PLK1: variants seen among roughly 807,000 people sequenced by gnomAD.
PLK1 encodes serine/threonine-protein kinase PLK1.
Under a neutral mutation model 56.7 loss-of-function variants are expected in PLK1, and 6 were observed. That is an observed-to-expected ratio of 0.11 (90% CI 0.06 to 0.21). The LOEUF (loss-of-function observed/expected upper bound fraction) is 0.21, where lower values mean the gene tolerates loss of function less well. Among genes scored for constraint, PLK1 ranks in the 10% least tolerant of loss-of-function variants. PLK1 has a pLI of 1.00. For synonymous variants in PLK1, 298 were observed against 325.0 expected (o/e 0.92, Z 0.89); for missense variants, 546 against 814.4 (o/e 0.67, Z 4.01).
Position 23,680,089 on chromosome 16 carries a change from C to A in PLK1, c.414C>A (p.Leu138=), listed in dbSNP as rs1399819641. 1.9e-6 allele frequency: 3 copies of A among 1,613,476 alleles called. No homozygotes were observed. Among genetic ancestry groups the A allele is most frequent in the East Asian group, 2.2e-5 (1 of 44,846 alleles). The change falls in exon 2 of 10, where the codon CTC becomes CTA. Residue 138 remains leucine (L), a synonymous_variant. Transcript: ENST00000300093. ...VVLELCRRRS[L]LELHKRRKAL... Reference sequence around the variant, plus strand: ...CCTCTCCTTCCCACCCACAGTCTCTCCTGGAGCTGCACAAGAGGAGGAAAG... The same window carrying A: ...CCTCTCCTTCCCACCCACAGTCTCTACTGGAGCTGCACAAGAGGAGGAAAG...
chr16:23,689,683 T>G lies in PLK1; in HGVS notation c.1608+7T>G, dbSNP rs1473843297. Reference sequence around the variant, plus strand: ...GCAGATCAACTTCTTCCAGGTGAGCTGGAGGTCACCAGGCGCAGGAGAGAG... The same window carrying G: ...GCAGATCAACTTCTTCCAGGTGAGCGGGAGGTCACCAGGCGCAGGAGAGAG... On this transcript the variant is annotated splice_region_variant and intron_variant, in intron 9 of 9. Coordinates refer to ENST00000300093, the MANE Select transcript of PLK1 (RefSeq NM_005030.6). This position sits in a 1 kb window ranked among gnomAD's most constrained non-coding sequence, Gnocchi z 4.8. The G allele has an allele frequency of 7.5e-6, 12 of 1,595,990 alleles. No homozygotes were observed. Among genetic ancestry groups the G allele is most frequent in the Non-Finnish European group, 1.0e-5 (12 of 1,170,580 alleles).
intron 7 of PLK1, 59 bp downstream of exon 7, chr16:23,688,804 G>A (rs1959475378): frequency 8.3e-7 from 1 of 1,203,134 alleles, no homozygotes; most frequent in African/African-American, 1.5e-5. Flanking sequence ...CTTTTCAGTT[G>A]TTACAGACTC....
At chr16:23,688,792 A>G (rs1303874009) in intron 7 of PLK1, 47 bp downstream of exon 7, 1 of 1,327,124 alleles carries the variant, frequency 7.5e-7, no homozygotes, top group Non-Finnish European at 1.1e-6. Context: ...CAGCCAGGTG[A>G]CCTTTTCAGT....
intron 2 of PLK1, 81 bp downstream of exon 2, chr16:23,680,333 A>G: frequency 7.4e-6 from 9 of 1,212,342 alleles, no homozygotes; most frequent in Admixed American, 3.6e-5. Context: ...AAGGAAGGAG[A>G]CAACCCACAA....
At chr16:23,683,777 A>G in intron 4 of PLK1, 93 bp from the exon 5 acceptor site, 2 of 925,510 alleles carry the variant, frequency 2.2e-6, no homozygotes, top group Non-Finnish European at 3.5e-6. Flanking sequence ...TGGGGGCTGC[A>G]TGTGGGCTGG....
chr16:23,690,151 G>C lies in PLK1; in HGVS notation c.*88G>C. 9.9e-7 allele frequency: 1 copy of C among 1,013,376 alleles called. No individual in the cohort carries two copies. The highest frequency in any genetic ancestry group is 1.8e-5 in the Admixed American group (1 of 56,490). 62.8% of individuals were successfully genotyped at this position (1,013,376 alleles called of 1,614,324 possible). On this transcript the variant is annotated 3_prime_UTR_variant, in exon 10 of 10. Coordinates refer to ENST00000300093, the MANE Select transcript of PLK1 (RefSeq NM_005030.6). ...GGTTGGCTCCCGCGGTGCCATGTCT[G>C]CAGTGTGCCCCCCAGCCCCGGTGGC...
At chr16:23,684,710 T>C (rs529660223) in intron 5 of PLK1, among the ~76,000 whole-genome samples, 17 of 152,256 alleles carry the variant, frequency 1.1e-4, no homozygotes, top group African/African-American at 3.9e-4. Flanking sequence ...ATTTCCTTTT[T>C]TTTGTGGCGT....
chr16:23,681,620 C>T (rs545304621), intron 3 of PLK1, among the ~76,000 whole-genome samples: 9 of 152,150 alleles, frequency 5.9e-5, no homozygotes, highest in African/African-American at 7.2e-5. Flanking sequence ...GGCCTAGGTA[C>T]TGGAGAGTTA....
chr16:23,689,410 C>CA lies in PLK1; in HGVS notation c.1425+19dup. 6.2e-7 allele frequency: 1 copy of CA among 1,603,730 alleles called. No homozygotes were observed. Among genetic ancestry groups the CA allele is most frequent in the Non-Finnish European group, 8.5e-7 (1 of 1,171,154 alleles). ...TGAAGAAGGTGAGTGCCGTCCGGCC[C>CA]ATGGGGGGTGGTGTTGCAGAAGTGG... On this transcript the variant is annotated intron_variant, in intron 8 of 9. Coordinates refer to ENST00000300093, the MANE Select transcript of PLK1 (RefSeq NM_005030.6). This position sits in a 1 kb window ranked among gnomAD's most constrained non-coding sequence, Gnocchi z 4.8.
chr16:23,688,714 G>A lies in PLK1; in HGVS notation c.1239G>A (p.Lys413=). 6.2e-7 allele frequency: 1 copy of A among 1,614,044 alleles called. No homozygotes were observed. Among genetic ancestry groups the A allele is most frequent in the Non-Finnish European group, 8.5e-7 (1 of 1,179,848 alleles). ...PACIPIFWVS[K]WVDYSDKYGL... ...GCATCCCCATCTTCTGGGTCAGCAA[G>A]TGGGTGGACTATTCGGACAAGTACG... The change falls in exon 7 of 10, where the codon AAG becomes AAA. Residue 413 remains lysine, a synonymous_variant. Coordinates refer to ENST00000300093, the MANE Select transcript of PLK1 (RefSeq NM_005030.6).
intron 2 of PLK1, among the ~76,000 whole-genome samples, chr16:23,680,652 T>C (rs993806883): frequency 1.3e-5 from 2 of 152,198 alleles, no homozygotes; most frequent in African/African-American, 4.8e-5. Context: ...CTTGAAGGCA[T>C]TGGAGTTTTA....
At chr16:23,684,802 C>T (rs1003713795) in intron 5 of PLK1, among the ~76,000 whole-genome samples, 5 of 151,854 alleles carry the variant, frequency 3.3e-5, no homozygotes, top group Admixed American at 6.6e-5. Flanking sequence ...GGACTACAGG[C>T]GCCCACCACC....
rs773419428 is a variant in PLK1, at chr16:23,678,929, G to T, written c.-4G>T. 4 of 1,520,888 alleles carry T rather than the reference G, an allele frequency of 2.6e-6. No individual in the cohort carries two copies. The South Asian group carries it at 4.9e-5, about 19-fold the overall frequency. 94.2% of individuals were successfully genotyped at this position (1,520,888 alleles called of 1,614,324 possible). On this transcript the variant is annotated 5_prime_UTR_variant, in exon 1 of 10. Coordinates refer to ENST00000300093, the MANE Select transcript of PLK1 (RefSeq NM_005030.6). ...ATCGAGGTCTGCAGCGCAGCTTCGG[G>T]AGCATGAGTGCTGCAGTGACTGCAG...
rs771274930 is a variant in PLK1, at chr16:23,689,004, C to A, written c.1271-234C>A. On this transcript the variant is annotated intron_variant, in intron 7 of 9. Coordinates refer to ENST00000300093, the MANE Select transcript of PLK1 (RefSeq NM_005030.6). This position sits in a 1 kb window ranked among gnomAD's most constrained non-coding sequence, Gnocchi z 4.8. ...TCACTGCAGCCTCAAACTCCCAGGC[C>A]CCTAAGTAGCTGTGACTACAGGCGT... Among the ~76,000 whole-genome samples, 5 of 152,034 alleles carry A rather than the reference C, an allele frequency of 3.3e-5. No homozygotes were observed. Among genetic ancestry groups the A allele is most frequent in the Non-Finnish European group, 5.9e-5 (4 of 68,000 alleles).
Position 23,681,659 on chromosome 16 carries a change from C to T in PLK1, c.723-405C>T, listed in dbSNP as rs139859871. 5.9e-5 allele frequency among the ~76,000 whole-genome samples: 9 copies of T among 152,288 alleles called. No homozygotes were observed. The East Asian group carries it at 1.5e-3, about 26-fold the overall frequency. Reference sequence around the variant, plus strand: ...ATGAGTTGTAGCAATGGCTTTCATACGTCTTTGCAGTGGGGTTTTTTCAAA... The same window carrying T: ...ATGAGTTGTAGCAATGGCTTTCATATGTCTTTGCAGTGGGGTTTTTTCAAA... On this transcript the variant is annotated intron_variant, in intron 3 of 9. Transcript: ENST00000300093.
intron 6 of PLK1, 63 bp downstream of exon 6, chr16:23,687,687 A>C: frequency 7.7e-7 from 1 of 1,295,236 alleles, no homozygotes; most frequent in Middle Eastern, 2.0e-4. Context: ...AGGCAGGAGG[A>C]GGCTTGGCCA....
chr16:23,683,078 C>T (rs1441623850), intron 4 of PLK1, among the ~76,000 whole-genome samples: 1 of 146,462 alleles, frequency 6.8e-6, no homozygotes, highest in African/African-American at 2.5e-5. Flanking sequence ...GCAAGCTCTG[C>T]CTCCCAGGTT....
At position 23,689,026 on chromosome 16, in the gene PLK1, G is replaced by A. The variant is rs113588871; in HGVS notation, c.1271-212G>A. Among the ~76,000 whole-genome samples the A allele has an allele frequency of 3.9e-3, 591 of 152,226 alleles. 1 individual carries two copies. Among genetic ancestry groups the A allele is most frequent in the South Asian group, 0.014 (68 of 4,816 alleles). On this transcript the variant is annotated intron_variant, in intron 7 of 9. Coordinates refer to ENST00000300093, the MANE Select transcript of PLK1 (RefSeq NM_005030.6). The surrounding 1 kb of genome is among the most constrained non-coding windows in gnomAD (Gnocchi z 4.8). ...GGCCCCTAAGTAGCTGTGACTACAG[G>A]CGTGCACCATTATGCTCAGCTAATT...
At chr16:23,687,044 G>T (rs958697083) in intron 5 of PLK1, 1 of 153,018 alleles carries the variant, frequency 6.5e-6, no homozygotes, top group South Asian at 2.1e-4. Context: ...AGCATATAAA[G>T]CAAATTTTGG....
Sources: allele counts gnomAD v4.1 joint callset (sites outside exome capture counted in the v4.1 genomes callset), GRCh38; gene constraint gnomAD v4.1.1; non-coding constraint Gnocchi (gnomAD v3.1); transcripts MANE v1.5; gene names NCBI Gene and HGNC (gene_info 2026-07-23, HGNC 2026-07-21).